Variants in KCNH7 observed in about 807,000 individuals in gnomAD.
KCNH7 encodes voltage-gated inwardly rectifying potassium channel KCNH7.
In KCNH7, 49 loss-of-function variants were observed where a neutral mutation model predicts 120.8. The observed-to-expected ratio is 0.41, with a 90% CI of 0.32 to 0.51. KCNH7 has a LOEUF of 0.51. KCNH7 is among the 20% of genes least tolerant of loss of function. KCNH7 has a pLI of 0.38. For synonymous variants in KCNH7, 547 were observed against 516.1 expected, an observed-to-expected ratio of 1.06 and a Z score of -0.81; for missense variants, 1,097 against 1,446.6, an observed-to-expected ratio of 0.76 and a Z score of 3.92.
intron 2 of KCNH7, among the ~76,000 whole-genome samples, chr2:162,660,828 C>A (rs917462665): frequency 6.6e-6 from 1 of 152,000 alleles, no homozygotes; most frequent in African/African-American, 2.4e-5. Context: ...AAATAAACAC[C>A]ATGAGAAGTT....
chr2:162,749,555 G>A (rs1574338816), intron 2 of KCNH7, among the ~76,000 whole-genome samples: 1 of 152,136 alleles, frequency 6.6e-6, no homozygotes, highest in African/African-American at 2.4e-5. Flanking sequence ...AGACTAAGGG[G>A]TTCAGGAATG....
intron 2 of KCNH7, among the ~76,000 whole-genome samples, chr2:162,623,006 A>AT (rs1559049799): frequency 6.6e-6 from 1 of 152,086 alleles, no homozygotes; most frequent in Non-Finnish European, 1.5e-5. Context: ...AAGGAAGTAA[A>AT]TTTTTATTTC....
At chr2:162,567,925 G>T (rs1386084176) in intron 2 of KCNH7, among the ~76,000 whole-genome samples, 1 of 151,926 alleles carries the variant, frequency 6.6e-6, no homozygotes, top group Admixed American at 6.6e-5. Context: ...ACTTACCATT[G>T]TTTTACAATT....
intron 2 of KCNH7, among the ~76,000 whole-genome samples, chr2:162,802,783 C>A (rs1013248223): frequency 6.6e-6 from 1 of 151,674 alleles, no homozygotes; most frequent in Non-Finnish European, 1.5e-5. Context: ...ACATAAAGAA[C>A]ATCTCAATTC....
At chr2:162,518,225 A>G in intron 3 of KCNH7, 67 bp from the exon 4 acceptor site, 2 of 1,134,708 alleles carry the variant, frequency 1.8e-6, no homozygotes, top group Non-Finnish European at 2.5e-6. Context: ...AAAAACAAAC[A>G]TTGTTGACTC....
At chr2:162,705,878 C>T (rs1237538792) in intron 2 of KCNH7, among the ~76,000 whole-genome samples, 2 of 152,096 alleles carry the variant, frequency 1.3e-5, no homozygotes, top group African/African-American at 2.4e-5. Flanking sequence ...TGAAAACACC[C>T]TAAATCAACT....
At chr2:162,419,274 TAAA>T (rs758417385) in intron 9 of KCNH7, among the ~76,000 whole-genome samples, 3 of 61,870 alleles carry the variant, frequency 4.8e-5, no homozygotes, top group African/African-American at 5.9e-5. Flanking sequence ...TGTCCCAGGC[TAAA>T]AAAAAAAAAA....
At chr2:162,698,765 G>A (rs552041065) in intron 2 of KCNH7, among the ~76,000 whole-genome samples, 10 of 152,048 alleles carry the variant, frequency 6.6e-5, no homozygotes, top group African/African-American at 2.2e-4. Context: ...GGACTACCAT[G>A]GAGATAAATG....
At chr2:162,780,168 G>A (rs1439101220) in intron 2 of KCNH7, among the ~76,000 whole-genome samples, 13 of 152,128 alleles carry the variant, frequency 8.5e-5, no homozygotes, top group African/African-American at 2.2e-4. Flanking sequence ...ATAGTCAGTA[G>A]TAATCCACAG....
chr2:162,768,881 G>A (rs920191242), intron 2 of KCNH7: 4 of 152,238 alleles, frequency 2.6e-5, no homozygotes, highest in African/African-American at 4.8e-5. Context: ...GTTAAAGGGA[G>A]AGCTTTTCCA....
intron 2 of KCNH7, among the ~76,000 whole-genome samples, chr2:162,731,234 G>A (rs35170301): frequency 4.2e-4 from 44 of 104,990 alleles, no homozygotes; most frequent in Middle Eastern, 4.2e-3. Flanking sequence ...ATATATATAT[G>A]TGTGTGTGTG....
chr2:162,450,129 T>C (rs1688718624), intron 6 of KCNH7, among the ~76,000 whole-genome samples: 1 of 152,100 alleles, frequency 6.6e-6, no homozygotes, highest in Non-Finnish European at 1.5e-5. Flanking sequence ...TAATGTGAAC[T>C]CTGTTCCTAT....
At chr2:162,816,018 G>A (rs191439689) in intron 2 of KCNH7, among the ~76,000 whole-genome samples, 1 of 152,100 alleles carries the variant, frequency 6.6e-6, no homozygotes, top group Non-Finnish European at 1.5e-5. Flanking sequence ...CAGCACTTTG[G>A]GAGGCCAAGG....
In KCNH7 at chr2:162,836,538, A is replaced by AT; in HGVS notation, c.305dup (p.Asn102LysfsTer8). 6.2e-7 allele frequency: 1 copy of AT among 1,611,482 alleles called. No homozygotes were observed. Among genetic ancestry groups the AT allele is most frequent in the Middle Eastern group, 1.7e-4 (1 of 6,052 alleles). The stretch of plus-strand genomic sequence containing the variant: ...GAATCCTAAATAGAGGAATTTTACC[A>AT]TTTTTGTGATAGTAGGTGACCTCCA... On this transcript the variant is annotated frameshift_variant and splice_region_variant, in exon 2 of 16. Coordinates refer to ENST00000332142, the MANE Select transcript of KCNH7 (RefSeq NM_033272.4). LOFTEE classifies it high-confidence loss of function.
intron 2 of KCNH7, among the ~76,000 whole-genome samples, chr2:162,822,627 T>G (rs183401223): frequency 7.9e-5 from 12 of 152,330 alleles, no homozygotes; most frequent in African/African-American, 2.6e-4. Context: ...GAAACTTGGT[T>G]AAGAGAATGT....
In KCNH7 at chr2:162,373,542, G is replaced by A; in HGVS notation, c.3252C>T (p.Ile1084=). 1 of 1,591,702 alleles carries A rather than the reference G, an allele frequency of 6.3e-7. No homozygotes were observed. Residue 1084 remains isoleucine, a synonymous_variant, in exon 15 of 16, where the codon ATC becomes ATT. Transcript: ENST00000332142. ...GTTGACTGGTTCTCATCAGCTGGAT[G>A]ATGGGTCTCTGATATTCTGATCCTG... ...VTAGSEYQRP[I]IQLMRTSQPE... is the part of the protein sequence containing the mutation.
intron 2 of KCNH7, among the ~76,000 whole-genome samples, chr2:162,719,848 C>T (rs1423750775): frequency 6.6e-6 from 1 of 152,018 alleles, no homozygotes; most frequent in Non-Finnish European, 1.5e-5. Flanking sequence ...ACTTACCCCC[C>T]ATGTTAAGAG....
intron 2 of KCNH7, among the ~76,000 whole-genome samples, chr2:162,557,647 A>G (rs1416559090): frequency 6.6e-6 from 1 of 152,202 alleles, no homozygotes; most frequent in African/African-American, 2.4e-5. Context: ...TAACAGGGAA[A>G]GGCTAAATTT....
intron 2 of KCNH7, among the ~76,000 whole-genome samples, chr2:162,581,911 A>T (rs1277286390): frequency 6.6e-6 from 1 of 152,070 alleles, no homozygotes; most frequent in Non-Finnish European, 1.5e-5. Context: ...GTGATGAGAT[A>T]CTCATGTTAA....
Sources: gnomAD v4.1 joint callset for allele counts (sites outside exome capture counted in the v4.1 genomes callset) on GRCh38, gnomAD v4.1.1 for gene constraint, MANE v1.5 for transcripts, NCBI Gene and HGNC (gene_info 2026-07-23, HGNC 2026-07-21) for gene names.